The following TNFRSF14 variants were observed in gnomAD, a reference collection of about 807,000 sequenced individuals.
The protein encoded by TNFRSF14 is TNF receptor superfamily member 14.
TNFRSF14 carries 18 observed loss-of-function variants against 34.1 expected under a neutral mutation model. That is an observed-to-expected ratio of 0.53 (90% confidence interval 0.36 to 0.78). The LOEUF (loss-of-function observed/expected upper bound fraction) is 0.78. TNFRSF14 is among the 30% of genes least tolerant of loss of function. The pLI is 0.00. For synonymous variants in TNFRSF14, 157 were observed against 153.2 expected (o/e 1.02, Z -0.18); for missense variants, 352 against 379.5 (o/e 0.93, Z 0.60).
rs1256198179 is a variant in TNFRSF14 at position 2,561,936 on chromosome 1, C to A, written c.694+121C>A. 2 of 1,106,802 alleles carry A rather than the reference C, an allele frequency of 1.8e-6. No homozygotes were observed. Among genetic ancestry groups the A allele is most frequent in the African/African-American group, 1.6e-5 (1 of 64,074 alleles). The allele number at this position is 1,106,802 out of a possible 1,614,324, so 68.6% of individuals were successfully genotyped here. ...CCAGGATCCGCGGCTCCTCCCAGGG[C>A]AGCCACTGCAGGCTGGGGCAGGTGG... On this transcript the variant is annotated intron_variant, in intron 6 of 7. Transcript: ENST00000355716. The surrounding 1 kb of genome is among the most constrained non-coding windows in gnomAD (Gnocchi z 6.0).
chr1:2,559,822 G>A lies in TNFRSF14; in HGVS notation c.305-1G>A, dbSNP rs1280230414. On this transcript the variant is annotated splice_acceptor_variant, in intron 3 of 7. Transcript: ENST00000355716. LOFTEE classifies it high-confidence loss of function. ...TCTCAGCCCCTCCTCTTGGACTCCAGCCATGGGCCTGCGCGCGAGCCGGAA... is the reference window on the plus strand; with the variant it reads ...TCTCAGCCCCTCCTCTTGGACTCCAACCATGGGCCTGCGCGCGAGCCGGAA... 1 of 1,606,318 alleles carries A rather than the reference G, an allele frequency of 6.2e-7. No homozygotes were observed. The highest frequency in any genetic ancestry group is 2.2e-5 in the East Asian group (1 of 44,642).
At chr1:2,556,774 A>T (rs768630428) in intron 1 of TNFRSF14, 41 bp downstream of exon 1, 2 of 1,540,260 alleles carry the variant, frequency 1.3e-6, no homozygotes, top group Non-Finnish European at 8.8e-7. Context: ...CGCAGATCCC[A>T]GTTCTGACCC....
intron 1 of TNFRSF14, 123 bp downstream of exon 1, chr1:2,556,856 C>T: frequency 9.8e-7 from 1 of 1,018,278 alleles, no homozygotes; most frequent in Non-Finnish European, 1.4e-6. Context: ...CAGCCCGTCC[C>T]CTGCTGCCTG....
rs1644308029 is a variant in TNFRSF14, at chr1:2,561,523, G to A, written c.552-150G>A. 1.9e-6 allele frequency: 3 copies of A among 1,553,170 alleles called. No individual in the cohort carries two copies. The highest frequency in any genetic ancestry group is 2.6e-6 in the Non-Finnish European group (3 of 1,147,750). On this transcript the variant is annotated intron_variant, in intron 5 of 7. Transcript: ENST00000355716. This position sits in a 1 kb window ranked among gnomAD's most constrained non-coding sequence, Gnocchi z 6.0. ...GCTTGGAAAAGTCAGACAGACCTCT[G>A]AGGTCTCATCCTGGAGCTGCCACCA...
intron 2 of TNFRSF14, 147 bp from the exon 3 acceptor site, chr1:2,558,196 G>A: frequency 8.2e-7 from 1 of 1,224,016 alleles, no homozygotes; most frequent in Non-Finnish European, 1.1e-6. Flanking sequence ...GGCTGATGGG[G>A]CTGCTGTGTC....
rs1389267314 is a variant in TNFRSF14 at position 2,561,353 on chromosome 1, C to T, written c.552-320C>T. On this transcript the variant is annotated intron_variant, in intron 5 of 7. Coordinates refer to ENST00000355716, the MANE Select transcript of TNFRSF14 (RefSeq NM_003820.4). This position sits in a 1 kb window ranked among gnomAD's most constrained non-coding sequence, Gnocchi z 6.0. ...TCCCTCTACCTTCTGTCCTTGTCTG[C>T]CACTGGTCTCCCGTGCTCTGGGGTC... 6 of 756,572 alleles carry T rather than the reference C, an allele frequency of 7.9e-6. No individual in the cohort carries two copies. The South Asian group carries it at 8.0e-5, about 10-fold the overall frequency. 46.9% of individuals were successfully genotyped at this position (756,572 alleles called of 1,614,324 possible).
At chr1:2,562,514 T>C (rs541834681) in intron 6 of TNFRSF14, 1 of 453,036 alleles carries the variant, frequency 2.2e-6, no homozygotes, top group South Asian at 2.4e-5. Flanking sequence ...CTCACCCAAC[T>C]GGGCACCTGC....
At chr1:2,557,517 T>C (rs1277531073) in intron 1 of TNFRSF14, among the ~76,000 whole-genome samples, 1 of 152,084 alleles carries the variant, frequency 6.6e-6, no homozygotes, top group Admixed American at 6.5e-5. Context: ...TCATCAGGGC[T>C]GGAGGAGGGG....
chr1:2,560,220 C>T (rs1260798955), intron 4 of TNFRSF14, among the ~76,000 whole-genome samples: 1 of 152,164 alleles, frequency 6.6e-6, no homozygotes, highest in Non-Finnish European at 1.5e-5. Context: ...CCTCGGGGTT[C>T]TGGGACTTCC....
At position 2,563,504 on chromosome 1, in the gene TNFRSF14, C is replaced by T; in HGVS notation, c.*231C>T. 5 of 607,880 alleles carry T rather than the reference C, an allele frequency of 8.2e-6. No individual in the cohort carries two copies. The highest frequency in any genetic ancestry group is 1.4e-5 in the Non-Finnish European group (5 of 362,856). The allele number at this position is 607,880 out of a possible 1,614,324, so 37.7% of individuals were successfully genotyped here. On this transcript the variant is annotated 3_prime_UTR_variant, in exon 8 of 8. Coordinates refer to ENST00000355716, the MANE Select transcript of TNFRSF14 (RefSeq NM_003820.4). ...CCTGGGGCCTCTGTTCTGCTGTGGCCTGAGCTCCCCAGAGTCCTGAGGAGG... is the reference window on the plus strand; with the variant it reads ...CCTGGGGCCTCTGTTCTGCTGTGGCTTGAGCTCCCCAGAGTCCTGAGGAGG...
intron 6 of TNFRSF14, chr1:2,562,558 C>T (rs1222493687): frequency 2.7e-5 from 15 of 552,770 alleles, no homozygotes; most frequent in Admixed American, 2.3e-4. Context: ...CACTGTGAAG[C>T]GCTTGTTCCC....
At chr1:2,557,875 G>T in intron 2 of TNFRSF14, 41 bp downstream of exon 2, 1 of 1,513,886 alleles carries the variant, frequency 6.6e-7, no homozygotes. Flanking sequence ...GTGGGCCGAG[G>T]GCAGACACTC....
At chr1:2,559,674 G>A in intron 3 of TNFRSF14, 149 bp from the exon 4 acceptor site, 1 of 1,535,456 alleles carries the variant, frequency 6.5e-7, no homozygotes, top group South Asian at 1.2e-5. Flanking sequence ...TCCATGCTGG[G>A]TACCTCTGGG....
At chr1:2,562,817 C>T (rs375153312) in intron 6 of TNFRSF14, 48 bp from the exon 7 acceptor site, 184 of 1,613,260 alleles carry the variant, frequency 1.1e-4, no homozygotes, top group Non-Finnish European at 1.5e-4. Context: ...GCCTGTGTCC[C>T]CTGATCAGAC....
chr1:2,560,005 C>A, intron 4 of TNFRSF14, 27 bp downstream of exon 4: 1 of 1,503,860 alleles, frequency 6.6e-7, no homozygotes. Context: ...GGACACCCCT[C>A]CCATTTCCAC....
Position 2,561,423 on chromosome 1 carries a change from C to A in TNFRSF14, c.552-250C>A. 7.0e-7 allele frequency: 1 copy of A among 1,422,910 alleles called. No homozygotes were observed. The highest frequency in any genetic ancestry group is 9.4e-7 in the Non-Finnish European group (1 of 1,065,406). The allele number at this position is 1,422,910 out of a possible 1,614,324, so 88.1% of individuals were successfully genotyped here. A position where few individuals can be genotyped will look rare whatever the true frequency, so the allele number is the denominator to read the frequency against. Reference sequence around the variant, plus strand: ...CCCGCTTCTCTCCCCTCTCCCTCTGCCGTCCTGTCTCCTTTGCCCAGTCTC... The same window carrying A: ...CCCGCTTCTCTCCCCTCTCCCTCTGACGTCCTGTCTCCTTTGCCCAGTCTC... On this transcript the variant is annotated intron_variant, in intron 5 of 7. Coordinates refer to ENST00000355716, the MANE Select transcript of TNFRSF14 (RefSeq NM_003820.4). This position sits in a 1 kb window ranked among gnomAD's most constrained non-coding sequence, Gnocchi z 6.0.
rs566815390 is a variant in TNFRSF14 at position 2,561,491 on chromosome 1, T to C, written c.552-182T>C. 50 of 1,525,884 alleles carry C rather than the reference T, an allele frequency of 3.3e-5. No individual in the cohort carries two copies. The African/African-American group carries it at 5.8e-4, about 18-fold the overall frequency. The allele number at this position is 1,525,884 out of a possible 1,614,324, so 94.5% of individuals were successfully genotyped here. On this transcript the variant is annotated intron_variant, in intron 5 of 7. Coordinates refer to ENST00000355716, the MANE Select transcript of TNFRSF14 (RefSeq NM_003820.4). The surrounding 1 kb of genome is among the most constrained non-coding windows in gnomAD (Gnocchi z 6.0). ...CTCCTTCCTTCTCTCCACCTCCCCATAGCCGAGCTTGGAAAAGTCAGACAG... is the reference window on the plus strand; with the variant it reads ...CTCCTTCCTTCTCTCCACCTCCCCACAGCCGAGCTTGGAAAAGTCAGACAG...
At position 2,561,452 on chromosome 1, in the gene TNFRSF14, T is replaced by G; in HGVS notation, c.552-221T>G. 1 of 1,481,498 alleles carries G rather than the reference T, an allele frequency of 6.7e-7. No individual in the cohort carries two copies. Among genetic ancestry groups the G allele is most frequent in the Non-Finnish European group, 9.0e-7 (1 of 1,110,620 alleles). The allele number at this position is 1,481,498 out of a possible 1,614,324, so 91.8% of individuals were successfully genotyped here. A position where few individuals can be genotyped will look rare whatever the true frequency, so the allele number is the denominator to read the frequency against. On this transcript the variant is annotated intron_variant, in intron 5 of 7. Transcript: ENST00000355716. This position sits in a 1 kb window ranked among gnomAD's most constrained non-coding sequence, Gnocchi z 6.0. ...CCTGTCTCCTTTGCCCAGTCTCTCC[T>G]TGTTTCTCTTCTCCTCCTTCCTTCT... is the stretch of plus-strand genomic sequence containing the variant.
At position 2,561,483 on chromosome 1, in the gene TNFRSF14, C is replaced by T. The variant is rs918102180; in HGVS notation, c.552-190C>T. The T allele has an allele frequency of 4.0e-6, 6 of 1,512,708 alleles. No homozygotes were observed. The highest frequency in any genetic ancestry group is 5.3e-6 in the Non-Finnish European group (6 of 1,126,302). The allele number at this position is 1,512,708 out of a possible 1,614,324, so 93.7% of individuals were successfully genotyped here. A position where few individuals can be genotyped will look rare whatever the true frequency, so the allele number is the denominator to read the frequency against. Reference sequence around the variant, plus strand: ...CTCTTCTCCTCCTTCCTTCTCTCCACCTCCCCATAGCCGAGCTTGGAAAAG... The same window carrying T: ...CTCTTCTCCTCCTTCCTTCTCTCCATCTCCCCATAGCCGAGCTTGGAAAAG... On this transcript the variant is annotated intron_variant, in intron 5 of 7. Coordinates refer to ENST00000355716, the MANE Select transcript of TNFRSF14 (RefSeq NM_003820.4). The surrounding 1 kb of genome is among the most constrained non-coding windows in gnomAD (Gnocchi z 6.0).
Sources: gnomAD v4.1 joint callset for allele counts (sites outside exome capture counted in the v4.1 genomes callset) on GRCh38, gnomAD v4.1.1 for gene constraint, Gnocchi (gnomAD v3.1) non-coding constraint, MANE v1.5 for transcripts, NCBI Gene and HGNC (gene_info 2026-07-23, HGNC 2026-07-21) for gene names.